The following GRM3 variants were observed in gnomAD, a reference collection of about 807,000 sequenced individuals.
GRM3 encodes glutamate metabotropic receptor 3, also known as metabotropic glutamate receptor 3.
Under a neutral mutation model 70.5 loss-of-function variants are expected in GRM3, and 26 were observed. That is an observed-to-expected ratio of 0.37 (90% CI 0.27 to 0.51). The LOEUF is 0.51. GRM3 is among the 20% of genes least tolerant of loss of function. GRM3 has a pLI of 0.93. For synonymous variants in GRM3, 443 were observed against 434.9 expected (o/e 1.02, Z -0.23); for missense variants, 859 against 1,123.8 (o/e 0.76, Z 3.37).
At chr7:86,858,193 T>A (rs773935052) in intron 5 of GRM3, among the ~76,000 whole-genome samples, 1 of 152,082 alleles carries the variant, frequency 6.6e-6, no homozygotes, top group South Asian at 2.1e-4. Flanking sequence ...CCTGACCTCA[T>A]GATCCACCCA....
rs888862818 is a variant in GRM3, at chr7:86,733,357, T to C, written c.-140-31649T>C. ...ATGGCTGAGATATAGAAGCTCTCCC[T>C]AGACTACTGGATTCCCATTGACAAA... On this transcript the variant is annotated intron_variant, in intron 1 of 5. Coordinates refer to ENST00000361669, the MANE Select transcript of GRM3 (RefSeq NM_000840.3). Among the ~76,000 whole-genome samples the C allele has an allele frequency of 8.0e-5, 12 of 150,734 alleles. No individual in the cohort carries two copies. In the East Asian group the frequency reaches 9.8e-4, roughly 12 times the overall value.
intron 3 of GRM3, chr7:86,832,962 G>GT: frequency 1.0e-6 from 1 of 963,268 alleles, no homozygotes; most frequent in Non-Finnish European, 1.2e-6. Flanking sequence ...GGAGAAGGTT[G>GT]TAAGTCTTTT....
At chr7:86,861,750 G>A (rs1358230712) in intron 5 of GRM3, among the ~76,000 whole-genome samples, 4 of 152,330 alleles carry the variant, frequency 2.6e-5, no homozygotes, top group East Asian at 3.9e-4. Flanking sequence ...TCCAAATTAC[G>A]ATGGGATTTA....
intron 1 of GRM3, among the ~76,000 whole-genome samples, chr7:86,695,452 AG>A (rs1206659910): frequency 6.6e-6 from 1 of 152,204 alleles, no homozygotes; most frequent in African/African-American, 2.4e-5. Context: ...AAAGAGGCCT[AG>A]AACCTAGTCC....
At chr7:86,821,680 T>C (rs1344790473) in intron 3 of GRM3, among the ~76,000 whole-genome samples, 1 of 151,970 alleles carries the variant, frequency 6.6e-6, no homozygotes, top group Non-Finnish European at 1.5e-5. Flanking sequence ...CCAGAGCAAA[T>C]AAACGATTCC....
intron 3 of GRM3, among the ~76,000 whole-genome samples, chr7:86,806,527 G>T (rs201420661): frequency 3.3e-5 from 5 of 152,132 alleles, no homozygotes; most frequent in Admixed American, 2.0e-4. Flanking sequence ...TCATGTGTCT[G>T]TTGGCTGCAT....
intron 3 of GRM3, among the ~76,000 whole-genome samples, chr7:86,810,190 G>A (rs1399873294): frequency 6.6e-6 from 1 of 151,860 alleles, no homozygotes; most frequent in African/African-American, 2.4e-5. Context: ...TTCTATCCCA[G>A]GATGGTTTAC....
chr7:86,664,139 T>C (rs1460136664), intron 1 of GRM3, among the ~76,000 whole-genome samples: 3 of 152,000 alleles, frequency 2.0e-5, no homozygotes, highest in Non-Finnish European at 2.9e-5. Context: ...AGAGCATCCA[T>C]AATTTTTCTT....
intron 1 of GRM3, among the ~76,000 whole-genome samples, chr7:86,662,043 C>G (rs975459781): frequency 4.0e-5 from 6 of 151,790 alleles, no homozygotes; most frequent in African/African-American, 1.5e-4. Context: ...ATATTAGTTG[C>G]AAGCACACAA....
chr7:86,705,775 C>G (rs1795043175), intron 1 of GRM3, among the ~76,000 whole-genome samples: 1 of 152,052 alleles, frequency 6.6e-6, no homozygotes, highest in South Asian at 2.1e-4. Flanking sequence ...AATTTTATAT[C>G]ACCATGCTTA....
At position 86,765,495 on chromosome 7, in the gene GRM3, T is replaced by C; in HGVS notation, c.350T>C (p.Leu117Ser). Residue 117 changes from leucine (L) to serine (S), a missense_variant, in exon 2 of 6, where the codon TTG becomes TCG. Transcript: ENST00000361669. ...TCACTGGAGTTTGTCAGGGCATCTT[T>C]GACAAAAGTGGATGAAGCTGAGTAT... ...EQSLEFVRAS[L>S]TKVDEAEYMC... is the part of the protein sequence containing the mutation. 6.2e-7 allele frequency: 1 copy of C among 1,613,920 alleles called. No individual in the cohort carries two copies. Among genetic ancestry groups the C allele is most frequent in the Non-Finnish European group, 8.5e-7 (1 of 1,179,878 alleles).
intron 1 of GRM3, 133 bp from the exon 2 acceptor site, chr7:86,764,873 T>G: frequency 2.5e-6 from 1 of 403,220 alleles, no homozygotes. Context: ...AGAGAGTGCC[T>G]GGTGCTGTGG....
intron 1 of GRM3, among the ~76,000 whole-genome samples, chr7:86,685,965 T>C (rs1794556961): frequency 6.6e-6 from 1 of 150,742 alleles, no homozygotes. Flanking sequence ...GGGAATTTAA[T>C]GAGATAATAC....
chr7:86,786,004 G>A lies in GRM3; in HGVS notation c.469-257G>A. 3 of 448,138 alleles carry A rather than the reference G, an allele frequency of 6.7e-6. No homozygotes were observed. The highest frequency in any genetic ancestry group is 2.3e-5 in the South Asian group (1 of 43,026). 27.8% of individuals were successfully genotyped at this position (448,138 alleles called of 1,614,324 possible). On this transcript the variant is annotated intron_variant, in intron 2 of 5. Coordinates refer to ENST00000361669, the MANE Select transcript of GRM3 (RefSeq NM_000840.3). This position sits in a 1 kb window ranked among gnomAD's most constrained non-coding sequence, Gnocchi z 6.0. ...AGTCTAGCACAGAGTATAGAAGAGA[G>A]TGTGGTGCCCTTCTCATTTCTCTAC...
intron 1 of GRM3, among the ~76,000 whole-genome samples, chr7:86,677,156 T>C (rs1417604680): frequency 6.6e-6 from 1 of 152,014 alleles, no homozygotes; most frequent in South Asian, 2.1e-4. Flanking sequence ...TAGCCCACTC[T>C]GCATTTTCTC....
At chr7:86,864,015 A>T (rs1562885862) in intron 5 of GRM3, among the ~76,000 whole-genome samples, 3 of 149,780 alleles carry the variant, frequency 2.0e-5, no homozygotes, top group South Asian at 2.1e-4. Context: ...ATTTAATTTT[A>T]TTTTTTTTCA....
chr7:86,758,139 G>A (rs547359110), intron 1 of GRM3, among the ~76,000 whole-genome samples: 79 of 152,062 alleles, frequency 5.2e-4, no homozygotes, highest in Middle Eastern at 3.4e-3. Context: ...TTTCTTACCA[G>A]GAAACAGAAG....
chr7:86,647,222 C>G (rs1793495299), intron 1 of GRM3, among the ~76,000 whole-genome samples: 1 of 152,214 alleles, frequency 6.6e-6, no homozygotes, highest in African/African-American at 2.4e-5. Flanking sequence ...ACATTTTCCT[C>G]ACTTTTATTT....
intron 4 of GRM3, among the ~76,000 whole-genome samples, chr7:86,849,333 A>G (rs939170113): frequency 6.6e-6 from 1 of 152,180 alleles, no homozygotes; most frequent in African/African-American, 2.4e-5. Context: ...ACTAGTTAAG[A>G]GAGACAAGAA....
Sources: gnomAD v4.1 joint callset for allele counts (sites outside exome capture counted in the v4.1 genomes callset) on GRCh38, gnomAD v4.1.1 for gene constraint, Gnocchi (gnomAD v3.1) non-coding constraint, MANE v1.5 for transcripts, NCBI Gene and HGNC (gene_info 2026-07-23, HGNC 2026-07-21) for gene names.